The following WDR11 variants were observed in gnomAD, a reference collection of about 807,000 sequenced individuals.
WDR11 encodes WD repeat domain 11.
WDR11 carries 83 observed loss-of-function variants against 151.2 expected under a neutral mutation model. The observed-to-expected ratio is 0.55, with a 90% CI of 0.46 to 0.66. The LOEUF (loss-of-function observed/expected upper bound fraction) is 0.66, where lower values mean the gene tolerates loss of function less well. Ranked by LOEUF, WDR11 falls within the 30% of genes least tolerant of loss-of-function variation. The pLI is 0.00. For missense variants in WDR11, 1,301 were observed against 1,480.9 expected (o/e 0.88, Z 1.99); for synonymous variants, 484 against 533.1 (o/e 0.91, Z 1.27).
intron 13 of WDR11, among the ~76,000 whole-genome samples, chr10:120,881,616 GTTTTC>G (rs144111063): frequency 0.017 from 2,531 of 151,952 alleles, 20 homozygotes; most frequent in African/African-American, 0.026. Flanking sequence ...TTTATTTTGT[GTTTTC>G]TTTGATGCTT....
chr10:120,904,800 G>A lies in WDR11; in HGVS notation c.3182G>A (p.Gly1061Asp). The stretch of plus-strand genomic sequence containing the variant: ...GTGGCAACGAATATGATTGCCAATG[G>A]CAAATTGGCAGGTAAGGCACACTTG... ...KLVATNMIAN[G>D]KLAEGVQLLC... is the part of the protein sequence containing the mutation. The change falls in exon 25 of 29, where the codon GGC becomes GAC. Residue 1061 changes from glycine to aspartate, a missense_variant. Physicochemically the swap from Gly to Asp is moderately conservative, Grantham distance 94. Coordinates refer to ENST00000263461, the MANE Select transcript of WDR11 (RefSeq NM_018117.12). 6.2e-7 allele frequency: 1 copy of A among 1,614,128 alleles called. No homozygotes were observed. Among genetic ancestry groups the A allele is most frequent in the Non-Finnish European group, 8.5e-7 (1 of 1,180,012 alleles).
Position 120,851,416 on chromosome 10 carries a change from C to T in WDR11, c.-5C>T. 2 of 1,608,606 alleles carry T rather than the reference C, an allele frequency of 1.2e-6. No individual in the cohort carries two copies. Among genetic ancestry groups the T allele is most frequent in the East Asian group, 2.2e-5 (1 of 44,728 alleles). On this transcript the variant is annotated 5_prime_UTR_variant, in exon 1 of 29. Transcript: ENST00000263461. The stretch of plus-strand genomic sequence containing the variant: ...CAGCGCCCAGGTCCTGGGCTGGCCG[C>T]CGGGATGTTGCCCTACACAGTGAAC...
chr10:120,871,507 AT>A (rs1351314437), intron 10 of WDR11, among the ~76,000 whole-genome samples, 161 bp downstream of exon 10: 1,525 of 136,344 alleles, frequency 0.011, 37 homozygotes, highest in African/African-American at 0.039. Flanking sequence ...AAAAAAAAAA[AT>A]TTCTGTCCTT....
chr10:120,905,373 T>G lies in WDR11; in HGVS notation c.3248T>G (p.Leu1083Arg). Residue 1083 changes from leucine to arginine, a missense_variant, in exon 26 of 29, where the codon CTG (leucine) becomes CGG (arginine). By Grantham distance (102) the Leu-to-Arg change is moderately radical. This residue lies in a region of WDR11 where 589 missense variants were observed against 670.6 expected (regional missense o/e 0.88). Coordinates refer to ENST00000263461, the MANE Select transcript of WDR11 (RefSeq NM_018117.12). ...AAGGCTGCAGACGCCTGCCGCTACC[T>G]GCAGACATACGGCGAGTGGAATCGG... ...IDKAADACRY[L>R]QTYGEWNRAA... 6.2e-7 allele frequency: 1 copy of G among 1,614,206 alleles called. No individual in the cohort carries two copies. The highest frequency in any genetic ancestry group is 8.5e-7 in the Non-Finnish European group (1 of 1,180,050).
chr10:120,860,841 G>T (rs1405232005), intron 4 of WDR11, among the ~76,000 whole-genome samples: 4 of 152,152 alleles, frequency 2.6e-5, no homozygotes, highest in Non-Finnish European at 5.9e-5. Context: ...TGGCTAAATT[G>T]TTTAGAAACT....
At chr10:120,895,304 A>ATAC (rs1192781725) in intron 19 of WDR11, among the ~76,000 whole-genome samples, 43 of 152,300 alleles carry the variant, frequency 2.8e-4, no homozygotes, top group African/African-American at 9.4e-4. Flanking sequence ...TGCTATCTAA[A>ATAC]ATATGAATGG....
At chr10:120,867,592 A>G (rs1846360065) in intron 9 of WDR11, among the ~76,000 whole-genome samples, 1 of 152,186 alleles carries the variant, frequency 6.6e-6, no homozygotes, top group Non-Finnish European at 1.5e-5. Flanking sequence ...TGTTTTCTTT[A>G]ATCTCCCAAG....
At chr10:120,865,523 A>ATTTTTTTTTTTTT in intron 6 of WDR11, 107 bp from the exon 7 acceptor site, 1 of 762,448 alleles carries the variant, frequency 1.3e-6, no homozygotes, top group Non-Finnish European at 2.1e-6. Flanking sequence ...GGATTTGTCT[A>ATTTTTTTTTTTTT]TTTTTTTTTC....
chr10:120,861,894 C>A (rs1229477000), intron 4 of WDR11, among the ~76,000 whole-genome samples: 6 of 151,986 alleles, frequency 3.9e-5, no homozygotes, highest in Middle Eastern at 3.2e-3. Flanking sequence ...CACTGTGGGC[C>A]CACTACTGTT....
At chr10:120,852,464 C>T in intron 1 of WDR11, 60 bp from the exon 2 acceptor site, 1 of 1,420,060 alleles carries the variant, frequency 7.0e-7, no homozygotes, top group Non-Finnish European at 9.9e-7. Flanking sequence ...TTAGGCTTGG[C>T]AAGAAAGAAG....
chr10:120,906,413 C>T (rs11199638), intron 27 of WDR11: 22,404 of 1,244,764 alleles, frequency 0.018, 251 homozygotes, highest in Non-Finnish European at 0.02. Flanking sequence ...GAACAACCAT[C>T]ACTAATTGTG....
At position 120,862,795 on chromosome 10, in the gene WDR11, G is replaced by C; in HGVS notation, c.587G>C (p.Gly196Ala). The change falls in exon 5 of 29, where the codon GGC becomes GCC. Residue 196 changes from glycine (G) to alanine (A), a missense_variant. By Grantham distance (60) the Gly-to-Ala change is moderately conservative. This residue lies in a region of WDR11 where 692 missense variants were observed against 762.5 expected (regional missense o/e 0.91). Coordinates refer to ENST00000263461, the MANE Select transcript of WDR11 (RefSeq NM_018117.12). ...TTCTCCCCATCCAAGCCTCCCTCAG[G>C]CCCTGGGAAAAAAGTTTACATATCC... Reference protein sequence around the residue: ...SDFSPSKPPSGPGKKVYISSP... With the variant: ...SDFSPSKPPSAPGKKVYISSP... The C allele has an allele frequency of 6.2e-7, 1 of 1,614,002 alleles. No homozygotes were observed. The highest frequency in any genetic ancestry group is 8.5e-7 in the Non-Finnish European group (1 of 1,180,004).
rs764649386 is a variant in WDR11, at chr10:120,906,814, C to T, written c.3476C>T (p.Ala1159Val). The T allele has an allele frequency of 6.2e-7, 1 of 1,614,170 alleles. No individual in the cohort carries two copies. The highest frequency in any genetic ancestry group is 1.1e-5 in the South Asian group (1 of 91,090). Reference protein sequence around the residue: ...YFDRAALFVEACLKYGAFEVT... With the variant: ...YFDRAALFVEVCLKYGAFEVT... ...GATAGAGCAGCCTTATTTGTGGAAG[C>T]TTGCCTCAAGTATGGAGCATTTGAA... The change falls in exon 28 of 29, where the codon GCT becomes GTT. Residue 1159 changes from alanine to valine, a missense_variant. By Grantham distance (64) the Ala-to-Val change is moderately conservative. Coordinates refer to ENST00000263461, the MANE Select transcript of WDR11 (RefSeq NM_018117.12).
chr10:120,852,014 ACTCT>A (rs72201695), intron 1 of WDR11: 64,363 of 210,150 alleles, frequency 0.31, 10,549 homozygotes, highest in Admixed American at 0.42. Context: ...CGTCTTTATT[ACTCT>A]CTCCTTTCAC....
At chr10:120,882,049 A>T (rs1211023597) in intron 13 of WDR11, among the ~76,000 whole-genome samples, 2 of 152,110 alleles carry the variant, frequency 1.3e-5, no homozygotes, top group African/African-American at 2.4e-5. Flanking sequence ...GAGCCTTTGT[A>T]TTATGAGTAG....
intron 14 of WDR11, among the ~76,000 whole-genome samples, chr10:120,884,279 G>A (rs534124515): frequency 6.6e-6 from 1 of 152,230 alleles, no homozygotes; most frequent in African/African-American, 2.4e-5. Flanking sequence ...AATAAAATCA[G>A]TATTGTATTG....
intron 19 of WDR11, 24 bp from the exon 20 acceptor site, chr10:120,900,005 T>G (rs1274401289): frequency 6.3e-7 from 1 of 1,595,028 alleles, no homozygotes. Context: ...ATTTTATTTT[T>G]AAAAACCTTT....
At chr10:120,891,462 T>C (rs1847426468) in intron 19 of WDR11, among the ~76,000 whole-genome samples, 1 of 151,922 alleles carries the variant, frequency 6.6e-6, no homozygotes, top group Non-Finnish European at 1.5e-5. Flanking sequence ...ATATATGACT[T>C]CTAAAAAAAA....
intron 19 of WDR11, 55 bp downstream of exon 19, chr10:120,890,942 C>A: frequency 6.3e-7 from 1 of 1,575,538 alleles, no homozygotes; most frequent in Non-Finnish European, 8.7e-7. Context: ...TTGCCACAAG[C>A]TCTTGTATTT....
Sources: gnomAD v4.1 joint callset for allele counts (sites outside exome capture counted in the v4.1 genomes callset) on GRCh38, gnomAD v4.1.1 for gene constraint, gnomAD v4.1.1 regional missense constraint, MANE v1.5 for transcripts, NCBI Gene and HGNC (gene_info 2026-07-23, HGNC 2026-07-21) for gene names.